Variants in ESR2 observed in about 807,000 individuals in gnomAD.
The protein encoded by ESR2 is estrogen receptor 2, also known as estrogen receptor beta.
A neutral mutation model predicts 49.6 loss-of-function variants in ESR2; 36 were observed. That is an observed-to-expected ratio of 0.73 (90% CI 0.56 to 0.96). The LOEUF is 0.96. Among genes scored for constraint, ESR2 ranks in the 40% least tolerant of loss-of-function variants. ESR2 has a pLI of 0.00. For missense variants in ESR2, 714 were observed against 693.0 expected, an observed-to-expected ratio of 1.03 and a Z score of -0.34; for synonymous variants, 320 against 266.1, an observed-to-expected ratio of 1.20 and a Z score of -1.97.
intron 7 of ESR2, among the ~76,000 whole-genome samples, chr14:64,248,417 G>A (rs2075912098): frequency 6.7e-6 from 1 of 149,186 alleles, no homozygotes; most frequent in African/African-American, 2.5e-5. Context: ...GCCAAGGTGG[G>A]AGGATCACTT....
intron 6 of ESR2, among the ~76,000 whole-genome samples, chr14:64,251,224 C>T (rs2075981407): frequency 6.8e-6 from 1 of 146,956 alleles, no homozygotes; most frequent in South Asian, 2.2e-4. Flanking sequence ...TGCCTGCGGA[C>T]AATTAATTAT....
rs2076707312 is a variant in ESR2, at chr14:64,282,885, G to A, written c.101C>T (p.Ser34Phe). Residue 34 changes from serine (S) to phenylalanine (F), a missense_variant, in exon 2 of 9, where the codon TCC becomes TTC. Ser to Phe is a radical substitution (Grantham distance 155, BLOSUM62 -2). Transcript: ENST00000341099. The stretch of plus-strand genomic sequence containing the variant: ...TTCATGGTGGCTGTCTACATAGGAG[G>A]AAGGTATGTATATGGAGCCGTGCTC... The part of the protein sequence containing the change: ...PLEHGSIYIP[S>F]SYVDSHHEYP... 2 of 1,614,214 alleles carry A rather than the reference G, an allele frequency of 1.2e-6. No homozygotes were observed. Among genetic ancestry groups the A allele is most frequent in the South Asian group, 2.2e-5 (2 of 91,088 alleles).
chr14:64,252,764 C>A (rs1411317620), intron 6 of ESR2, among the ~76,000 whole-genome samples: 1 of 152,206 alleles, frequency 6.6e-6, no homozygotes, highest in African/African-American at 2.4e-5. Flanking sequence ...CAATCACTCC[C>A]ACCAGATCCC....
chr14:64,236,896 A>G (rs1362612870), intron 7 of ESR2, among the ~76,000 whole-genome samples: 1 of 146,980 alleles, frequency 6.8e-6, no homozygotes, highest in African/African-American at 2.5e-5. Context: ...CCCCACACAC[A>G]CCCCACAGCC....
intron 4 of ESR2, among the ~76,000 whole-genome samples, chr14:64,265,196 G>T (rs957620874): frequency 6.6e-6 from 1 of 152,168 alleles, no homozygotes; most frequent in Non-Finnish European, 1.5e-5. Flanking sequence ...CTCTGAGTGA[G>T]CTTAATGAGC....
Position 64,230,191 on chromosome 14 carries a change from C to T in ESR2, c.*2946G>A, listed in dbSNP as rs1344664041. On this transcript the variant is annotated 3_prime_UTR_variant, in exon 9 of 9. Transcript: ENST00000341099. Reference sequence around the variant, plus strand: ...TAGCCTGAGCAACAGGAGTCAGACCCTGTCTCAAAAAAAAAAAAAAAAAGG... The same window carrying T: ...TAGCCTGAGCAACAGGAGTCAGACCTTGTCTCAAAAAAAAAAAAAAAAAGG... Among the ~76,000 whole-genome samples, 1 of 128,214 alleles carries T rather than the reference C, an allele frequency of 7.8e-6. No individual in the cohort carries two copies. Among genetic ancestry groups the T allele is most frequent in the Non-Finnish European group, 1.7e-5 (1 of 60,520 alleles). 84.1% of individuals were successfully genotyped at this position (128,214 alleles called of 152,430 possible).
intron 6 of ESR2, among the ~76,000 whole-genome samples, chr14:64,255,472 A>G (rs1240965495): frequency 6.6e-6 from 1 of 152,088 alleles, no homozygotes; most frequent in Non-Finnish European, 1.5e-5. Context: ...TCTCTACCAA[A>G]ACATCTCTGT....
intron 1 of ESR2, among the ~76,000 whole-genome samples, chr14:64,302,840 C>G (rs1452267594): frequency 6.6e-6 from 1 of 151,986 alleles, no homozygotes; most frequent in Non-Finnish European, 1.5e-5. Flanking sequence ...CTGTTGTCGC[C>G]CAGGCTGGAG....
chr14:64,295,957 T>G (rs570180775), upstream of ESR2, among the ~76,000 whole-genome samples: 1 of 147,318 alleles, frequency 6.8e-6, no homozygotes, highest in African/African-American at 2.5e-5. Flanking sequence ...GGCAGGAGAA[T>G]CGCTTGAACA....
intron 6 of ESR2, among the ~76,000 whole-genome samples, chr14:64,253,703 GT>G (rs2076040120): frequency 6.6e-6 from 1 of 152,060 alleles, no homozygotes; most frequent in Admixed American, 6.6e-5. Context: ...ATGGCAGGGA[GT>G]GTTTAAGGCT....
intron 7 of ESR2, among the ~76,000 whole-genome samples, chr14:64,245,153 G>A (rs1415332764): frequency 6.6e-6 from 1 of 152,066 alleles, no homozygotes; most frequent in Non-Finnish European, 1.5e-5. Context: ...AGTGAAAATT[G>A]TCCCATTTTC....
intron 7 of ESR2, among the ~76,000 whole-genome samples, chr14:64,239,435 CTTTCA>C (rs1442047302): frequency 2.6e-5 from 4 of 152,160 alleles, no homozygotes; most frequent in Non-Finnish European, 4.4e-5. Context: ...CCCTCTATTT[CTTTCA>C]TTTAATGAAA....
At chr14:64,270,752 C>T (rs1189587014) in intron 3 of ESR2, among the ~76,000 whole-genome samples, 3 of 152,194 alleles carry the variant, frequency 2.0e-5, no homozygotes, top group South Asian at 2.1e-4. Context: ...TCAGGTGATC[C>T]ACCCGCCTTG....
Position 64,268,859 on chromosome 14 carries a change from G to GT in ESR2, c.587dup (p.Asn196LysfsTer81). Reference sequence around the variant, plus strand: ...GGCAGGCCTGGCAGCTCTTGCGCCGGTTTTTATCGATTGTACACTGATTTG... The same window carrying GT: ...GGCAGGCCTGGCAGCTCTTGCGCCGGTTTTTTATCGATTGTACACTGATTTG... On this transcript the variant is annotated frameshift_variant, in exon 4 of 9. Coordinates refer to ENST00000341099, the MANE Select transcript of ESR2 (RefSeq NM_001437.3). LOFTEE classifies it high-confidence loss of function. The GT allele has an allele frequency of 6.2e-7, 1 of 1,613,890 alleles. No individual in the cohort carries two copies. Among genetic ancestry groups the GT allele is most frequent in the Non-Finnish European group, 8.5e-7 (1 of 1,179,798 alleles).
rs149315522 is a variant in ESR2 at position 64,238,389 on chromosome 14, T to G, written c.1226-3239A>C. 5.9e-5 allele frequency among the ~76,000 whole-genome samples: 9 copies of G among 152,244 alleles called. No individual in the cohort carries two copies. The East Asian group carries it at 1.4e-3, about 23-fold the overall frequency. Reference sequence around the variant, plus strand: ...CAGTGTATATACAAAAAGACTGACTTACATAAAATTATCCTGGAGACTCCT... The same window carrying G: ...CAGTGTATATACAAAAAGACTGACTGACATAAAATTATCCTGGAGACTCCT... On this transcript the variant is annotated intron_variant, in intron 7 of 8. Transcript: ENST00000341099.
chr14:64,294,783 C>G (rs1046062955), upstream of ESR2, among the ~76,000 whole-genome samples: 1 of 152,234 alleles, frequency 6.6e-6, no homozygotes, highest in Admixed American at 6.5e-5. Flanking sequence ...TTGGGTTTGT[C>G]AAATCCCCAG....
intron 1 of ESR2, among the ~76,000 whole-genome samples, chr14:64,285,688 C>A (rs1002162107): frequency 1.3e-4 from 19 of 151,710 alleles, no homozygotes; most frequent in Non-Finnish European, 2.4e-4. Context: ...GTTAGCCAGG[C>A]GTGGTGGTGC....
intron 6 of ESR2, among the ~76,000 whole-genome samples, chr14:64,252,318 AAAAAAC>A (rs1324070519): frequency 2.6e-5 from 4 of 152,200 alleles, no homozygotes; most frequent in East Asian, 3.9e-4. Flanking sequence ...TCTAAAAAAA[AAAAAAC>A]AAAAACAAAA....
intron 3 of ESR2, among the ~76,000 whole-genome samples, chr14:64,277,715 G>A (rs1161971542): frequency 1.3e-5 from 2 of 149,624 alleles, no homozygotes; most frequent in Non-Finnish European, 3.0e-5. Context: ...TTAAAAATAA[G>A]TGGCCACTTT....
Sources: allele counts gnomAD v4.1 joint callset (sites outside exome capture counted in the v4.1 genomes callset), GRCh38; gene constraint gnomAD v4.1.1; transcripts MANE v1.5; gene names NCBI Gene and HGNC (gene_info 2026-07-23, HGNC 2026-07-21).